GPRC5C: variants seen among roughly 807,000 people sequenced by gnomAD.
The protein encoded by GPRC5C is G protein-coupled receptor family C group 5 member C.
In GPRC5C, 22 loss-of-function variants were observed where a neutral mutation model predicts 31.4. That is an observed-to-expected ratio of 0.70 (90% CI 0.50 to 1.00). The LOEUF (loss-of-function observed/expected upper bound fraction) is 1.00. Among genes scored for constraint, GPRC5C ranks in the 50% least tolerant of loss-of-function variants. The probability of loss-of-function intolerance (pLI) is 0.00; values close to 1 mark genes in which losing one functional copy is unlikely to be tolerated. For synonymous variants in GPRC5C, 249 were observed against 257.5 expected (o/e 0.97, Z 0.32); for missense variants, 557 against 597.2 (o/e 0.93, Z 0.70).
chr17:74,448,883 C>T (rs575725714), downstream of GPRC5C: 84 of 1,289,804 alleles, frequency 6.5e-5, no homozygotes, highest in Admixed American at 2.8e-4. Context: ...AAGACTCTGA[C>T]GTCCAGCAGC....
downstream of GPRC5C, chr17:74,449,280 T>C (rs994642148): frequency 3.9e-6 from 4 of 1,034,212 alleles, no homozygotes; most frequent in African/African-American, 5.0e-5. Flanking sequence ...AAACCAGTTC[T>C]TGGGCCCCAC....
At position 74,446,674 on chromosome 17, in the gene GPRC5C, T is replaced by G. The variant is rs75942289; in HGVS notation, c.1147-175T>G. 2.9e-3 allele frequency: 1,705 copies of G among 587,830 alleles called. 27 individuals are homozygous for G. The African/African-American group carries it at 0.03, about 10-fold the overall frequency. 36.4% of individuals were successfully genotyped at this position (587,830 alleles called of 1,614,324 possible). ...CCAGAGGCAGGGTGAGATAAGGGGC[T>G]CAGGTCTGGCTGTCCCAGGCTGCTC... On this transcript the variant is annotated intron_variant, in intron 3 of 3. Transcript: ENST00000392627.
intron 1 of GPRC5C, among the ~76,000 whole-genome samples, chr17:74,432,992 C>T (rs866251293): frequency 1.3e-5 from 2 of 152,144 alleles, no homozygotes; most frequent in South Asian, 2.1e-4. Context: ...TCAGAATCCC[C>T]CTGAGGGAAG....
chr17:74,436,938 T>TGTC (rs1469903242), intron 1 of GPRC5C, among the ~76,000 whole-genome samples: 2 of 152,218 alleles, frequency 1.3e-5, no homozygotes, highest in East Asian at 3.9e-4. Flanking sequence ...TTGTTGTTGT[T>TGTC]GTCGTTGTTG....
At chr17:74,438,966 TACA>T (rs1047220220) in intron 1 of GPRC5C, among the ~76,000 whole-genome samples, 3 of 152,228 alleles carry the variant, frequency 2.0e-5, no homozygotes, top group African/African-American at 7.2e-5. Flanking sequence ...GCCTTCTAGC[TACA>T]ACGTCTTAAA....
chr17:74,436,191 A>C (rs915283110), intron 1 of GPRC5C, among the ~76,000 whole-genome samples: 1 of 152,178 alleles, frequency 6.6e-6, no homozygotes, highest in Non-Finnish European at 1.5e-5. Flanking sequence ...TTGCAGACTC[A>C]GCTGATACTT....
At chr17:74,438,080 G>A (rs2055461427) in intron 1 of GPRC5C, among the ~76,000 whole-genome samples, 1 of 150,030 alleles carries the variant, frequency 6.7e-6, no homozygotes, top group East Asian at 1.9e-4. Context: ...TGTTGCCCAG[G>A]CTGCAGTGCA....
Position 74,439,990 on chromosome 17 carries a change from G to T in GPRC5C, c.214G>T (p.Val72Leu), listed in dbSNP as rs2055501647. ...CACGTTTGTGCTCACCATCATCCTG[G>T]TGGCCAGCCTCCCCTTTGTGCAGGA... is the stretch of plus-strand genomic sequence containing the variant. ...VTTFVLTIIL[V>L]ASLPFVQDTK... The change falls in exon 2 of 4, where the codon GTG becomes TTG. Residue 72 changes from valine to leucine, a missense_variant. By Grantham distance (32) the Val-to-Leu change is conservative. Transcript: ENST00000392627. The T allele has an allele frequency of 1.9e-6, 3 of 1,609,902 alleles. No individual in the cohort carries two copies. Among genetic ancestry groups the T allele is most frequent in the Non-Finnish European group, 2.5e-6 (3 of 1,180,020 alleles).
intron 1 of GPRC5C, chr17:74,432,554 C>A: frequency 1.0e-6 from 1 of 988,244 alleles, no homozygotes; most frequent in South Asian, 4.7e-5. Context: ...GCTCCGCCGC[C>A]CGGAAGAGTC....
intron 1 of GPRC5C, 131 bp downstream of exon 1, chr17:74,432,272 ACCCTC>A: frequency 6.7e-7 from 1 of 1,483,276 alleles, no homozygotes. Flanking sequence ...GCTCCAGCCC[ACCCTC>A]GCCGAAAGCA....
At chr17:74,445,497 C>G (rs1598433869) in intron 3 of GPRC5C, 1 of 152,784 alleles carries the variant, frequency 6.5e-6, no homozygotes, top group Non-Finnish European at 1.5e-5. Flanking sequence ...TGCGTGGGGA[C>G]TGTGTAGGGT....
At chr17:74,434,818 G>A (rs1252453076) in intron 1 of GPRC5C, among the ~76,000 whole-genome samples, 1 of 152,130 alleles carries the variant, frequency 6.6e-6, no homozygotes, top group African/African-American at 2.4e-5. Flanking sequence ...AGCTACTCGG[G>A]AGGCTGAGGC....
chr17:74,448,954 T>C (rs564428009), downstream of GPRC5C: 127 of 1,215,316 alleles, frequency 1.0e-4, no homozygotes, highest in South Asian at 1.5e-3. Context: ...AGCCATGTGG[T>C]TGAGACAGCA....
intron 1 of GPRC5C, among the ~76,000 whole-genome samples, chr17:74,433,352 G>T (rs1278734342): frequency 6.6e-6 from 1 of 151,994 alleles, no homozygotes; most frequent in African/African-American, 2.4e-5. Context: ...GTCTCAGAGA[G>T]CTCAGGGCAT....
In GPRC5C at chr17:74,447,240, C is replaced by G. The variant is rs1325999266; in HGVS notation, c.*212C>G. On this transcript the variant is annotated 3_prime_UTR_variant, in exon 4 of 4. Transcript: ENST00000392627. ...GTTTGTGGAGTCGAGGAGCCAACCC[C>G]AGCCTCCTGCCAGGATCACCTCGGC... 1 of 1,314,120 alleles carries G rather than the reference C, an allele frequency of 7.6e-7. No individual in the cohort carries two copies. The highest frequency in any genetic ancestry group is 1.5e-5 in the African/African-American group (1 of 66,282). 81.4% of individuals were successfully genotyped at this position (1,314,120 alleles called of 1,614,324 possible).
intron 1 of GPRC5C, 61 bp downstream of exon 1, chr17:74,432,202 C>G (rs992055312): frequency 6.4e-7 from 1 of 1,567,738 alleles, no homozygotes; most frequent in East Asian, 2.4e-5. Flanking sequence ...GCGCACGTAC[C>G]TGGAGCGCGG....
downstream of GPRC5C, among the ~76,000 whole-genome samples, chr17:74,448,538 T>G (rs186224183): frequency 1.8e-4 from 28 of 152,186 alleles, no homozygotes; most frequent in African/African-American, 4.8e-4. Context: ...CCACCACACC[T>G]GGCTAACTTT....
chr17:74,439,274 T>A (rs1267371938), intron 1 of GPRC5C, among the ~76,000 whole-genome samples: 1 of 152,202 alleles, frequency 6.6e-6, no homozygotes, highest in Non-Finnish European at 1.5e-5. Flanking sequence ...AATGAACACA[T>A]AGCTGACTGG....
At chr17:74,443,747 T>G (rs2055581522) in intron 2 of GPRC5C, 71 bp from the exon 3 acceptor site, 2 of 1,129,536 alleles carry the variant, frequency 1.8e-6, no homozygotes, top group East Asian at 2.4e-5. Flanking sequence ...GAGCCTTGCT[T>G]GGTTTGTGGG....
Sources: gnomAD v4.1 joint callset for allele counts (sites outside exome capture counted in the v4.1 genomes callset) on GRCh38, gnomAD v4.1.1 for gene constraint, MANE v1.5 for transcripts, NCBI Gene and HGNC (gene_info 2026-07-23, HGNC 2026-07-21) for gene names.